MLX: variants seen among roughly 807,000 people sequenced by gnomAD.
The protein encoded by MLX is MAX dimerization protein MLX.
A neutral mutation model predicts 33.0 loss-of-function variants in MLX; 15 were observed. That is an observed-to-expected ratio of 0.45 (90% CI 0.30 to 0.70). The LOEUF is 0.70. MLX is among the 30% of genes least tolerant of loss of function. The pLI is 0.07. For synonymous variants in MLX, 115 were observed against 115.6 expected, an observed-to-expected ratio of 0.99 and a Z score of 0.03; for missense variants, 285 against 306.3, an observed-to-expected ratio of 0.93 and a Z score of 0.52.
At chr17:42,570,939 G>A (rs1224286120) in intron 7 of MLX, among the ~76,000 whole-genome samples, 1 of 152,150 alleles carries the variant, frequency 6.6e-6, no homozygotes, top group African/African-American at 2.4e-5. Context: ...ACAGGCATGA[G>A]CCACTGTGCC....
At chr17:42,570,293 G>A (rs2093025404) in intron 7 of MLX, 110 bp downstream of exon 7, 1 of 1,068,414 alleles carries the variant, frequency 9.4e-7, no homozygotes, top group Admixed American at 2.1e-5. Context: ...AGATCTTAAG[G>A]GCGTTTCTAC....
At chr17:42,567,572 C>G (rs772273593) in intron 1 of MLX, 47 bp from the exon 2 acceptor site, 3 of 1,613,040 alleles carry the variant, frequency 1.9e-6, no homozygotes, top group African/African-American at 1.3e-5. Context: ...GGCGCCTCCC[C>G]CTAGGGGCGG....
In MLX at chr17:42,570,138, G is replaced by A. The variant is rs746400094; in HGVS notation, c.633G>A (p.Leu211=). The change falls in exon 7 of 8, where the codon CTG becomes CTA. Residue 211 remains leucine, a synonymous_variant. Coordinates refer to ENST00000435881, the MANE Select transcript of MLX (RefSeq NM_198204.2). ...TCTCAGTGGCCAGCTTCCAGGAGCT[G>A]TCAGCGTGTGTCTTCAGCTGGATCG... The part of the protein sequence containing the change: ...ASISVASFQE[L]SACVFSWIEE... 6.2e-7 allele frequency: 1 copy of A among 1,613,964 alleles called. No individual in the cohort carries two copies. Among genetic ancestry groups the A allele is most frequent in the Non-Finnish European group, 8.5e-7 (1 of 1,180,032 alleles).
At position 42,567,620 on chromosome 17, in the gene MLX, T is replaced by C. The variant is rs1367200651; in HGVS notation, c.44T>C (p.Val15Ala). 1 of 1,613,618 alleles carries C rather than the reference T, an allele frequency of 6.2e-7. No homozygotes were observed. The highest frequency in any genetic ancestry group is 1.1e-5 in the South Asian group (1 of 91,054). ...CCCTTCCCGTGCTCTGTGCCGCAGG[T>C]GGAGTATGCCTACAGCGACAACAGC... ...GASPEDPWVK[V>A]EYAYSDNSLD... Residue 15 changes from valine (V) to alanine (A), a missense_variant and splice_region_variant, in exon 2 of 8, where the codon GTG (valine) becomes GCG (alanine). By Grantham distance (64) the Val-to-Ala change is moderately conservative (BLOSUM62 0). Transcript: ENST00000435881.
chr17:42,568,391 C>A, intron 2 of MLX, 79 bp from the exon 3 acceptor site: 1 of 917,218 alleles, frequency 1.1e-6, no homozygotes, highest in Non-Finnish European at 1.7e-6. Context: ...AAAAGAAAGC[C>A]ATTGTGTCCT....
At chr17:42,568,386 A>C in intron 2 of MLX, 84 bp from the exon 3 acceptor site, 4 of 890,020 alleles carry the variant, frequency 4.5e-6, no homozygotes, top group Non-Finnish European at 7.2e-6. Flanking sequence ...TAAATAAAAG[A>C]AAGCCATTGT....
intron 7 of MLX, 99 bp downstream of exon 7, chr17:42,570,282 T>G: frequency 8.2e-7 from 1 of 1,218,436 alleles, no homozygotes. Context: ...CAGCTGCTTT[T>G]AGATCTTAAG....
chr17:42,567,890 G>A (rs535315414), intron 2 of MLX: 2 of 590,626 alleles, frequency 3.4e-6, no homozygotes, highest in East Asian at 2.8e-5. Context: ...CAGTGGAGCA[G>A]CTGATCACTC....
At chr17:42,568,228 T>G (rs1011881819) in intron 2 of MLX, 8 of 231,618 alleles carry the variant, frequency 3.5e-5, no homozygotes, top group Non-Finnish European at 6.1e-5. Context: ...CCGGGCGTGG[T>G]GGCGGGCGCC....
chr17:42,568,489 C>T lies in MLX; in HGVS notation c.99C>T (p.Thr33=). The part of the protein sequence containing the change: ...SLDPGLFVES[T]RKGSVVSRAN... Reference sequence around the variant, plus strand: ...TTCCAGGGCTTTTTGTAGAAAGCACCCGCAAGGGGAGTGTAGTGTCCAGAG... The same window carrying T: ...TTCCAGGGCTTTTTGTAGAAAGCACTCGCAAGGGGAGTGTAGTGTCCAGAG... Residue 33 remains threonine, a synonymous_variant, in exon 3 of 8, where the codon ACC becomes ACT. Coordinates refer to ENST00000435881, the MANE Select transcript of MLX (RefSeq NM_198204.2). 6 of 1,613,896 alleles carry T rather than the reference C, an allele frequency of 3.7e-6. No homozygotes were observed. Among genetic ancestry groups the T allele is most frequent in the Non-Finnish European group, 5.1e-6 (6 of 1,179,872 alleles).
At position 42,573,086 on chromosome 17, in the gene MLX, A is replaced by G; in HGVS notation, c.*1483A>G. On this transcript the variant is annotated 3_prime_UTR_variant, in exon 8 of 8. Transcript: ENST00000435881. ...AGGATAAGACCACAGGGAAGCAAAG[A>G]AGGAAGAGAGCTCCACTTACAAAGA... The G allele has an allele frequency of 6.2e-7, 1 of 1,614,096 alleles. No individual in the cohort carries two copies. Among genetic ancestry groups the G allele is most frequent in the East Asian group, 2.2e-5 (1 of 44,894 alleles).
rs909981103 is a variant in MLX, at chr17:42,572,369, T to A, written c.*766T>A. ...AATGCAGTTTTGCTACGGTTACAAT[T>A]TTGAAATATTAACTGAGCCTCAAAA... On this transcript the variant is annotated 3_prime_UTR_variant, in exon 8 of 8. Transcript: ENST00000435881. 4.4e-6 allele frequency: 2 copies of A among 454,538 alleles called. No individual in the cohort carries two copies. The highest frequency in any genetic ancestry group is 8.8e-6 in the Non-Finnish European group (2 of 226,778). The allele number at this position is 454,538 out of a possible 1,614,324, so 28.2% of individuals were successfully genotyped here.
Position 42,572,319 on chromosome 17 carries a change from G to A in MLX, c.*716G>A. On this transcript the variant is annotated 3_prime_UTR_variant, in exon 8 of 8. Transcript: ENST00000435881. ...AGGTATAACACAGCACTACATATTG[G>A]AAATTTTTTATTTTTCTAAATACCA... The A allele has an allele frequency of 2.2e-6, 1 of 453,840 alleles. No homozygotes were observed. The highest frequency in any genetic ancestry group is 1.6e-5 in the South Asian group (1 of 64,412). The allele number at this position is 453,840 out of a possible 1,614,324, so 28.1% of individuals were successfully genotyped here.
Position 42,571,770 on chromosome 17 carries a change from C to T in MLX, c.*167C>T, listed in dbSNP as rs2093034123. 4 of 659,446 alleles carry T rather than the reference C, an allele frequency of 6.1e-6. No homozygotes were observed. The highest frequency in any genetic ancestry group is 2.8e-5 in the Admixed American group (1 of 36,280). 40.8% of individuals were successfully genotyped at this position (659,446 alleles called of 1,614,324 possible). A position where few individuals can be genotyped will look rare whatever the true frequency, so the allele number is the denominator to read the frequency against. On this transcript the variant is annotated 3_prime_UTR_variant, in exon 8 of 8. Coordinates refer to ENST00000435881, the MANE Select transcript of MLX (RefSeq NM_198204.2). ...CCCCATTTTATCTTCAGCGGAGCCG[C>T]GGTGTTTGTTTTGTGAAAGCTTCTG...
intron 3 of MLX, 50 bp from the exon 4 acceptor site, chr17:42,568,787 C>A: frequency 6.7e-7 from 1 of 1,488,584 alleles, no homozygotes; most frequent in Non-Finnish European, 9.2e-7. Flanking sequence ...GCTAGCTGGA[C>A]CCCACTGGGC....
At chr17:42,568,336 C>G in intron 2 of MLX, 134 bp from the exon 3 acceptor site, 5 of 559,314 alleles carry the variant, frequency 8.9e-6, no homozygotes, top group South Asian at 6.1e-5. Context: ...GCACTCTAGC[C>G]TGGGCGACTG....
At chr17:42,571,493 C>CTA in intron 7 of MLX, 54 bp from the exon 8 acceptor site, 4 of 1,582,958 alleles carry the variant, frequency 2.5e-6, no homozygotes, top group Non-Finnish European at 3.5e-6. Context: ...ATCTTGGAAA[C>CTA]TACTCTGCGT....
In MLX at chr17:42,568,785, G is replaced by A. The variant is rs879094344; in HGVS notation, c.170-52G>A. 4.6e-5 allele frequency: 69 copies of A among 1,484,472 alleles called. 1 individual carries two copies. In the South Asian group the frequency reaches 7.6e-4, roughly 16 times the overall value. 92.0% of individuals were successfully genotyped at this position (1,484,472 alleles called of 1,614,324 possible). On this transcript the variant is annotated intron_variant, in intron 3 of 7. Transcript: ENST00000435881. Reference sequence around the variant, plus strand: ...CAGCTGGGGAAAGGTGGGCTAGCTGGACCCCACTGGGCCCCAAGATGACCT... The same window carrying A: ...CAGCTGGGGAAAGGTGGGCTAGCTGAACCCCACTGGGCCCCAAGATGACCT...
rs2093036792 is a variant in MLX, at chr17:42,572,237, G to GGGTGGTAAGGGAAGCCCT, written c.*635_*652dup. 1 of 394,822 alleles carries GGGTGGTAAGGGAAGCCCT rather than the reference G, an allele frequency of 2.5e-6. No homozygotes were observed. The highest frequency in any genetic ancestry group is 5.0e-6 in the Non-Finnish European group (1 of 198,076). 24.5% of individuals were successfully genotyped at this position (394,822 alleles called of 1,614,324 possible). On this transcript the variant is annotated 3_prime_UTR_variant, in exon 8 of 8. Coordinates refer to ENST00000435881, the MANE Select transcript of MLX (RefSeq NM_198204.2). ...TTCCATCACCTTCCTCCTCTGCTCTGGGTGGTAAGGGAAGCCCTCCCGGTT... is the reference window on the plus strand; with the variant it reads ...TTCCATCACCTTCCTCCTCTGCTCTGGGTGGTAAGGGAAGCCCTGGTGGTAAGGGAAGCCCTCCCGGTT...
Sources: gnomAD v4.1 joint callset for allele counts (sites outside exome capture counted in the v4.1 genomes callset) on GRCh38, gnomAD v4.1.1 for gene constraint, MANE v1.5 for transcripts, NCBI Gene and HGNC (gene_info 2026-07-23, HGNC 2026-07-21) for gene names.